Variants in NXPH1 observed in about 807,000 individuals in gnomAD.
NXPH1 encodes the protein neurexophilin 1.
Under a neutral mutation model 23.7 loss-of-function variants are expected in NXPH1, and 5 were observed. That is an observed-to-expected ratio of 0.21 (90% CI 0.11 to 0.44). The LOEUF (loss-of-function observed/expected upper bound fraction) is 0.44, where lower values mean the gene tolerates loss of function less well. Among genes scored for constraint, NXPH1 ranks in the 20% least tolerant of loss-of-function variants. NXPH1 has a pLI of 0.99. For missense variants in NXPH1, 324 were observed against 321.6 expected, an observed-to-expected ratio of 1.01 and a Z score of -0.06; for synonymous variants, 144 against 122.2, an observed-to-expected ratio of 1.18 and a Z score of -1.18.
intron 2 of NXPH1, among the ~76,000 whole-genome samples, chr7:8,541,421 G>C (rs1351696552): frequency 6.6e-6 from 1 of 151,538 alleles, no homozygotes; most frequent in Non-Finnish European, 1.5e-5. Flanking sequence ...AAAGATATTT[G>C]AAGAAATGAT....
intron 2 of NXPH1, among the ~76,000 whole-genome samples, chr7:8,724,094 TTAG>T (rs998672436): frequency 4.6e-5 from 7 of 152,222 alleles, no homozygotes; most frequent in Non-Finnish European, 1.0e-4. Context: ...ATGACGGCTT[TTAG>T]TAGTAGTTCC....
At chr7:8,664,865 T>A (rs1275212651) in intron 2 of NXPH1, among the ~76,000 whole-genome samples, 1 of 152,068 alleles carries the variant, frequency 6.6e-6, no homozygotes, top group Non-Finnish European at 1.5e-5. Context: ...TTGACTGTTT[T>A]TTAATTAGAT....
At chr7:8,536,724 A>G (rs781541363) in intron 2 of NXPH1, among the ~76,000 whole-genome samples, 5 of 151,976 alleles carry the variant, frequency 3.3e-5, no homozygotes, top group African/African-American at 4.8e-5. Context: ...TTAGAAATCT[A>G]TATTAATATC....
intron 2 of NXPH1, among the ~76,000 whole-genome samples, chr7:8,562,663 GATATCCTAATAGATA>G (rs1169582254): frequency 1.3e-5 from 2 of 151,554 alleles, no homozygotes; most frequent in Admixed American, 1.3e-4. Context: ...ACAGTTGATG[GATATCCTAATAGATA>G]ATATCCTAAT....
intron 2 of NXPH1, among the ~76,000 whole-genome samples, chr7:8,642,929 A>G (rs935030414): frequency 1.3e-5 from 2 of 151,832 alleles, no homozygotes; most frequent in African/African-American, 2.4e-5. Context: ...CAGTGGCCCA[A>G]TCTCGGTTCA....
intron 2 of NXPH1, among the ~76,000 whole-genome samples, chr7:8,580,671 G>A (rs1455992561): frequency 2.0e-5 from 3 of 152,046 alleles, no homozygotes; most frequent in Non-Finnish European, 2.9e-5. Context: ...TGGCACTTGA[G>A]TGAAGTTCCC....
intron 2 of NXPH1, among the ~76,000 whole-genome samples, chr7:8,468,539 A>G (rs924713989): frequency 2.3e-4 from 35 of 152,090 alleles, no homozygotes; most frequent in African/African-American, 8.2e-4. Context: ...ATCAAAGATA[A>G]TATCCCATGT....
intron 2 of NXPH1, among the ~76,000 whole-genome samples, chr7:8,674,592 G>C (rs1820919377): frequency 6.6e-6 from 1 of 152,146 alleles, no homozygotes; most frequent in African/African-American, 2.4e-5. Flanking sequence ...CACTCTAAAG[G>C]AGTTTGGGGT....
intron 2 of NXPH1, among the ~76,000 whole-genome samples, chr7:8,512,477 C>T (rs1224210043): frequency 1.3e-5 from 2 of 152,044 alleles, no homozygotes; most frequent in African/African-American, 2.4e-5. Flanking sequence ...TGTGGCTCAT[C>T]AACTCTAGCC....
In NXPH1 at chr7:8,435,265, A is replaced by G. The variant is rs1563309274; in HGVS notation, c.-110-339A>G. 4.3e-6 allele frequency: 1 copy of G among 233,694 alleles called. No individual in the cohort carries two copies. Among genetic ancestry groups the G allele is most frequent in the Non-Finnish European group, 8.4e-6 (1 of 118,886 alleles). 14.5% of individuals were successfully genotyped at this position (233,694 alleles called of 1,614,324 possible). A position where few individuals can be genotyped will look rare whatever the true frequency, so the allele number is the denominator to read the frequency against. ...CGCCTTTAGTCCGAGCCGCCGGGCC[A>G]CCCAACACAAGGGCAGGTCTCGCTG... On this transcript the variant is annotated intron_variant, in intron 1 of 2. Transcript: ENST00000405863. This position sits in a 1 kb window ranked among gnomAD's most constrained non-coding sequence, Gnocchi z 5.9.
chr7:8,735,481 TGAA>T (rs1415398914), intron 2 of NXPH1, among the ~76,000 whole-genome samples: 2 of 152,238 alleles, frequency 1.3e-5, no homozygotes, highest in Non-Finnish European at 2.9e-5. Context: ...ATCCCAGGGA[TGAA>T]GCCGACTTGA....
intron 2 of NXPH1, among the ~76,000 whole-genome samples, chr7:8,441,697 G>A (rs1378443933): frequency 6.6e-6 from 1 of 152,102 alleles, no homozygotes; most frequent in African/African-American, 2.4e-5. Context: ...TTCCAAGAGC[G>A]GCTTTTTATT....
rs1816181278 is a variant in NXPH1, at chr7:8,435,675, CAAA to C, written c.-38_-36del. On this transcript the variant is annotated 5_prime_UTR_variant, in exon 2 of 3. Coordinates refer to ENST00000405863, the MANE Select transcript of NXPH1 (RefSeq NM_152745.3). This position sits in a 1 kb window ranked among gnomAD's most constrained non-coding sequence, Gnocchi z 5.9. ...CTATGTTTCTGAAGGAACAAAGACT[CAAA>C]GAAGGCACCGCCAAGGAAGTTTGAG... 6.2e-7 allele frequency: 1 copy of C among 1,602,570 alleles called. No individual in the cohort carries two copies. The highest frequency in any genetic ancestry group is 8.5e-7 in the Non-Finnish European group (1 of 1,169,634).
At chr7:8,714,321 ACT>A (rs1264338061) in intron 2 of NXPH1, among the ~76,000 whole-genome samples, 1 of 150,546 alleles carries the variant, frequency 6.6e-6, no homozygotes, top group Admixed American at 6.6e-5. Context: ...CCTGGGACTG[ACT>A]CACCCTTCAG....
At chr7:8,478,347 A>G (rs1012050299) in intron 2 of NXPH1, among the ~76,000 whole-genome samples, 19 of 152,098 alleles carry the variant, frequency 1.2e-4, no homozygotes, top group Non-Finnish European at 2.9e-5. Context: ...AAATAAAAAT[A>G]CCCAGCAATG....
At chr7:8,736,953 A>AT (rs2115223500) in intron 2 of NXPH1, among the ~76,000 whole-genome samples, 1 of 142,092 alleles carries the variant, frequency 7.0e-6, no homozygotes, top group African/African-American at 2.7e-5. Flanking sequence ...TGCAACCCCT[A>AT]CCTTTTTTTT....
intron 2 of NXPH1, among the ~76,000 whole-genome samples, chr7:8,488,383 C>T (rs1388679917): frequency 6.6e-6 from 1 of 152,000 alleles, no homozygotes; most frequent in Non-Finnish European, 1.5e-5. Context: ...TAATGACTTC[C>T]CTCTTAAATG....
chr7:8,501,137 C>T (rs1817424275), intron 2 of NXPH1, among the ~76,000 whole-genome samples: 1 of 152,068 alleles, frequency 6.6e-6, no homozygotes, highest in Non-Finnish European at 1.5e-5. Context: ...TCAGCTGTCA[C>T]AGATACGATT....
chr7:8,698,231 G>A (rs1779565827), intron 2 of NXPH1, among the ~76,000 whole-genome samples: 2 of 152,218 alleles, frequency 1.3e-5, no homozygotes, highest in South Asian at 4.1e-4. Flanking sequence ...CTCAACTGAA[G>A]ATTCATGGAG....
Sources: gnomAD v4.1 joint callset for allele counts (sites outside exome capture counted in the v4.1 genomes callset) on GRCh38, gnomAD v4.1.1 for gene constraint, Gnocchi (gnomAD v3.1) non-coding constraint, MANE v1.5 for transcripts, NCBI Gene and HGNC (gene_info 2026-07-23, HGNC 2026-07-21) for gene names.